Variants in ABCB1 observed in about 807,000 individuals in gnomAD.
ABCB1 encodes the protein ATP binding cassette subfamily B member 1.
In ABCB1, 69 loss-of-function variants were observed where a neutral mutation model predicts 142.0. That is an observed-to-expected ratio of 0.49 (90% CI 0.40 to 0.59). The LOEUF is 0.59. ABCB1 is among the 20% of genes least tolerant of loss of function. ABCB1 has a pLI of 0.00. For synonymous variants in ABCB1, 532 were observed against 539.2 expected (o/e 0.99, Z 0.18); for missense variants, 1,326 against 1,554.7 (o/e 0.85, Z 2.47).
chr7:87,684,648 T>G (rs1392027584), intron 1 of ABCB1, among the ~76,000 whole-genome samples: 1 of 146,602 alleles, frequency 6.8e-6, no homozygotes, highest in African/African-American at 2.6e-5. Flanking sequence ...CGCAGGAGGC[T>G]GAGGCAGGAG....
Position 87,595,786 on chromosome 7 carries a change from T to C in ABCB1, c.97A>G (p.Thr33Ala). Reference protein sequence around the residue: ...SEKDKKEKKPTVSVFSMFRYS... With the variant: ...SEKDKKEKKPAVSVFSMFRYS... Reference sequence around the variant, plus strand: ...CTCACCATTGAAAATACACTGACAGTTGGTTTCTTTTCCTTCTTATCTTTT... The same window carrying C: ...CTCACCATTGAAAATACACTGACAGCTGGTTTCTTTTCCTTCTTATCTTTT... The change falls in exon 3 of 28, where the codon ACT becomes GCT. Residue 33 changes from threonine to alanine, a missense_variant. Transcript: ENST00000622132. 6.2e-7 allele frequency: 1 copy of C among 1,610,818 alleles called. No individual in the cohort carries two copies. The highest frequency in any genetic ancestry group is 8.5e-7 in the Non-Finnish European group (1 of 1,177,476).
At chr7:87,609,356 T>C (rs915776302) in intron 1 of ABCB1, among the ~76,000 whole-genome samples, 2 of 152,128 alleles carry the variant, frequency 1.3e-5, no homozygotes, top group African/African-American at 4.8e-5. Context: ...ATGCTCTAGT[T>C]TTTCTCTCTG....
intron 4 of ABCB1, among the ~76,000 whole-genome samples, chr7:87,582,776 C>T (rs933945468): frequency 1.2e-4 from 19 of 152,152 alleles, no homozygotes; most frequent in Non-Finnish European, 2.4e-4. Flanking sequence ...TTAAATTTCA[C>T]ATAATTTCCA....
intron 3 of ABCB1, among the ~76,000 whole-genome samples, chr7:87,590,984 TAA>T (rs1287592812): frequency 3.9e-5 from 6 of 152,318 alleles, no homozygotes; most frequent in African/African-American, 1.4e-4. Context: ...GTCCAAATCC[TAA>T]TCCCAGGAAC....
intron 1 of ABCB1, among the ~76,000 whole-genome samples, chr7:87,611,207 C>T (rs193152743): frequency 1.7e-4 from 26 of 152,174 alleles, no homozygotes; most frequent in Admixed American, 4.6e-4. Context: ...TCTATAGCCT[C>T]AGGCCACTTC....
chr7:87,518,482 C>T (rs1815346709), intron 23 of ABCB1, among the ~76,000 whole-genome samples: 1 of 152,148 alleles, frequency 6.6e-6, no homozygotes. Flanking sequence ...ATCATTTGTC[C>T]AATGTACATC....
intron 4 of ABCB1, among the ~76,000 whole-genome samples, chr7:87,580,228 A>G (rs1027334549): frequency 6.6e-6 from 1 of 152,158 alleles, no homozygotes; most frequent in Non-Finnish European, 1.5e-5. Flanking sequence ...TCTTGTCTAG[A>G]CAGGTCTGGT....
chr7:87,711,998 G>C (rs1271181341), intron 1 of ABCB1, among the ~76,000 whole-genome samples: 1 of 152,062 alleles, frequency 6.6e-6, no homozygotes, highest in African/African-American at 2.4e-5. Context: ...TGACATTCTG[G>C]ATTTTGAGAA....
intron 3 of ABCB1, among the ~76,000 whole-genome samples, chr7:87,587,654 G>C (rs566941452): frequency 6.6e-6 from 1 of 152,008 alleles, no homozygotes; most frequent in Non-Finnish European, 1.5e-5. Flanking sequence ...GGCAGATCAC[G>C]AGGTCAGGAG....
intron 1 of ABCB1, among the ~76,000 whole-genome samples, chr7:87,646,512 C>T (rs970560021): frequency 6.6e-6 from 1 of 152,078 alleles, no homozygotes; most frequent in Non-Finnish European, 1.5e-5. Context: ...ATAATTTTTA[C>T]AAGCAGTAGA....
chr7:87,621,041 C>T (rs956878666), intron 1 of ABCB1, among the ~76,000 whole-genome samples: 5 of 152,090 alleles, frequency 3.3e-5, no homozygotes, highest in Non-Finnish European at 5.9e-5. Flanking sequence ...GACATACTGT[C>T]ATCTTAGATC....
chr7:87,584,954 C>G (rs558546778), intron 4 of ABCB1, among the ~76,000 whole-genome samples: 1 of 151,386 alleles, frequency 6.6e-6, no homozygotes, highest in African/African-American at 2.4e-5. Context: ...CTAAAATACC[C>G]CCCCACACAC....
At chr7:87,582,788 G>A (rs767683236) in intron 4 of ABCB1, among the ~76,000 whole-genome samples, 4 of 151,848 alleles carry the variant, frequency 2.6e-5, no homozygotes, top group Admixed American at 1.3e-4. Flanking sequence ...TAATTTCCAC[G>A]GGTCACAAAA....
chr7:87,546,523 T>A (rs1816790828), intron 14 of ABCB1, among the ~76,000 whole-genome samples: 2 of 150,208 alleles, frequency 1.3e-5, no homozygotes, highest in South Asian at 2.1e-4. Context: ...ACCACTGCAC[T>A]CCAGCCTGGG....
At chr7:87,588,178 ATTTG>A (rs1818843424) in intron 3 of ABCB1, among the ~76,000 whole-genome samples, 1 of 150,844 alleles carries the variant, frequency 6.6e-6, no homozygotes, top group Non-Finnish European at 1.5e-5. Context: ...ATTATTTTTT[ATTTG>A]TTTATTTTAA....
At chr7:87,584,340 CA>C (rs1818641331) in intron 4 of ABCB1, among the ~76,000 whole-genome samples, 1 of 152,156 alleles carries the variant, frequency 6.6e-6, no homozygotes, top group African/African-American at 2.4e-5. Context: ...CTTGAAAGTT[CA>C]AAAGTTGAAA....
At chr7:87,665,514 A>C (rs1825136609) in intron 1 of ABCB1, among the ~76,000 whole-genome samples, 3 of 152,142 alleles carry the variant, frequency 2.0e-5, no homozygotes, top group Admixed American at 2.0e-4. Flanking sequence ...TACTACCCAA[A>C]GTGACCTATA....
chr7:87,552,874 T>C (rs557090860), intron 9 of ABCB1, among the ~76,000 whole-genome samples: 1 of 152,212 alleles, frequency 6.6e-6, no homozygotes, highest in Non-Finnish European at 1.5e-5. Flanking sequence ...TAACAGTGTA[T>C]TTTATTAGAT....
intron 14 of ABCB1, among the ~76,000 whole-genome samples, chr7:87,546,323 T>C (rs1304231832): frequency 6.6e-6 from 1 of 152,136 alleles, no homozygotes; most frequent in Non-Finnish European, 1.5e-5. Context: ...GCGTGGTGGC[T>C]CACGCCTGTA....
Sources: gnomAD v4.1 joint callset for allele counts (sites outside exome capture counted in the v4.1 genomes callset) on GRCh38, gnomAD v4.1.1 for gene constraint, MANE v1.5 for transcripts, NCBI Gene and HGNC (gene_info 2026-07-23, HGNC 2026-07-21) for gene names.